GFOD1: variants seen among roughly 807,000 people sequenced by gnomAD.
The protein encoded by GFOD1 is glucose-fructose oxidoreductase domain-containing protein 1.
In GFOD1, 9 loss-of-function variants were observed where a neutral mutation model predicts 25.4. That is an observed-to-expected ratio of 0.35 (90% CI 0.21 to 0.62). GFOD1 has a LOEUF of 0.62. GFOD1 is among the 20% of genes least tolerant of loss of function. The probability of loss-of-function intolerance (pLI) is 0.72; values close to 1 mark genes in which losing one functional copy is unlikely to be tolerated. For missense variants in GFOD1, 403 were observed against 556.9 expected (o/e 0.72, Z 2.78); for synonymous variants, 253 against 245.6 (o/e 1.03, Z -0.28).
chr6:13,464,881 TGTGTGTGTGTGTGTG>T (rs1562227203), intron 1 of GFOD1, among the ~76,000 whole-genome samples: 11 of 149,524 alleles, frequency 7.4e-5, no homozygotes, highest in Non-Finnish European at 1.5e-4. Flanking sequence ...TGTGTGTGTG[TGTGTGTGTGTGTGTG>T]TGTGTGTGTG....
At chr6:13,405,557 C>A (rs1304979883) in intron 1 of GFOD1, among the ~76,000 whole-genome samples, 1 of 152,018 alleles carries the variant, frequency 6.6e-6, no homozygotes, top group Non-Finnish European at 1.5e-5. Flanking sequence ...TTGAGATGAC[C>A]AGTTATAAAT....
At chr6:13,485,694 A>T (rs1758848508) in intron 1 of GFOD1, among the ~76,000 whole-genome samples, 1 of 152,174 alleles carries the variant, frequency 6.6e-6, no homozygotes, top group African/African-American at 2.4e-5. Flanking sequence ...TGAGGGGAGC[A>T]GGGACCAGAT....
At position 13,486,804 on chromosome 6, in the gene GFOD1, C is replaced by A. The variant is rs1422091195; in HGVS notation, c.87G>T (p.Lys29Asn). ...CTTCCTGCGTGCGGCCCCACAGCGC[C>A]TTCACCGCGAAGCCCTCGTCTTTCA... is the stretch of plus-strand genomic sequence containing the variant. ...PLLKDEGFAV[K>N]ALWGRTQEEA... The change falls in exon 1 of 2, where the codon AAG becomes AAT. Residue 29 changes from lysine to asparagine, a missense_variant. Lys to Asn is a moderately conservative substitution (Grantham distance 94). Transcript: ENST00000379287. 4.0e-5 allele frequency: 65 copies of A among 1,614,124 alleles called. No individual in the cohort carries two copies. The highest frequency in any genetic ancestry group is 5.4e-5 in the Non-Finnish European group (64 of 1,180,024).
At chr6:13,483,405 A>T (rs1310715337) in intron 1 of GFOD1, among the ~76,000 whole-genome samples, 1 of 152,184 alleles carries the variant, frequency 6.6e-6, no homozygotes, top group East Asian at 1.9e-4. Context: ...GGCCACCAGG[A>T]CGTGAGGCTG....
chr6:13,474,521 C>T (rs1318579758), intron 1 of GFOD1, among the ~76,000 whole-genome samples: 2 of 152,176 alleles, frequency 1.3e-5, no homozygotes, highest in Non-Finnish European at 2.9e-5. Context: ...TACTCAACTG[C>T]CTCAAGCAAG....
intron 1 of GFOD1, among the ~76,000 whole-genome samples, chr6:13,467,193 T>C (rs1379864935): frequency 6.6e-6 from 1 of 152,034 alleles, no homozygotes; most frequent in Non-Finnish European, 1.5e-5. Flanking sequence ...ATAAAAATAT[T>C]TACCAAATTA....
At position 13,360,507 on chromosome 6, in the gene GFOD1, C is replaced by A; in HGVS notation, c.*4236G>T. On this transcript the variant is annotated 3_prime_UTR_variant, in exon 2 of 2. Coordinates refer to ENST00000379287, the MANE Select transcript of GFOD1 (RefSeq NM_018988.4). The stretch of plus-strand genomic sequence containing the variant: ...ACATTTTCCTACGTTATATTCAGAC[C>A]CCCAAGAGCAAATTCCAAGGCCATC... 2 of 354,128 alleles carry A rather than the reference C, an allele frequency of 5.6e-6. No individual in the cohort carries two copies. The highest frequency in any genetic ancestry group is 4.2e-5 in the South Asian group (2 of 47,650). 21.9% of individuals were successfully genotyped at this position (354,128 alleles called of 1,614,324 possible).
intron 1 of GFOD1, among the ~76,000 whole-genome samples, chr6:13,388,169 G>A (rs1418607826): frequency 6.6e-6 from 1 of 152,212 alleles, no homozygotes; most frequent in Admixed American, 6.5e-5. Context: ...AATCAATGTT[G>A]TGAAAATGGC....
rs1554198475 is a variant in GFOD1 at position 13,363,238 on chromosome 6, T to TGTGTGTGTGCGC, written c.*1504_*1505insGCGCACACACAC. Reference sequence around the variant, plus strand: ...GTGTGTGTGTGTGTGTGTGTGTGTGTGCACGTGCATGTGTGTGTGTGTCTG... The same window carrying TGTGTGTGTGCGC: ...GTGTGTGTGTGTGTGTGTGTGTGTGTGTGTGTGTGCGCGCACGTGCATGTGTGTGTGTGTCTG... On this transcript the variant is annotated 3_prime_UTR_variant, in exon 2 of 2. Coordinates refer to ENST00000379287, the MANE Select transcript of GFOD1 (RefSeq NM_018988.4). 2.0e-5 allele frequency: 3 copies of TGTGTGTGTGCGC among 151,566 alleles called. No homozygotes were observed. Among genetic ancestry groups the TGTGTGTGTGCGC allele is most frequent in the African/African-American group, 7.3e-5 (3 of 41,174 alleles). The allele number at this position is 151,566 out of a possible 1,614,324, so 9.4% of individuals were successfully genotyped here. A position where few individuals can be genotyped will look rare whatever the true frequency, so the allele number is the denominator to read the frequency against.
At position 13,487,488 on chromosome 6, in the gene GFOD1, G is replaced by C. The variant is rs1356459833; in HGVS notation, c.-598C>G. The C allele has an allele frequency of 6.6e-6, 1 of 151,970 alleles. No homozygotes were observed. The highest frequency in any genetic ancestry group is 1.9e-4 in the East Asian group (1 of 5,150). The allele number at this position is 151,970 out of a possible 1,614,324, so 9.4% of individuals were successfully genotyped here. ...CCGGAGCGCGCCGGACTGGGATCCC[G>C]AGCTGCAGCGCGGCAGCGGCGGCCA... On this transcript the variant is annotated 5_prime_UTR_variant, in exon 1 of 2. Transcript: ENST00000379287. This position sits in a 1 kb window ranked among gnomAD's most constrained non-coding sequence, Gnocchi z 4.9.
chr6:13,485,921 T>C (rs1758854412), intron 1 of GFOD1: 1 of 627,990 alleles, frequency 1.6e-6, no homozygotes, highest in Non-Finnish European at 2.0e-6. Flanking sequence ...ACCCCCTGGT[T>C]TTACCAAATC....
intron 1 of GFOD1, among the ~76,000 whole-genome samples, chr6:13,398,360 A>G (rs1481992937): frequency 5.3e-5 from 8 of 152,196 alleles, no homozygotes; most frequent in Admixed American, 5.2e-4. Context: ...GACCAGGTAG[A>G]ACCTCCGTTT....
At chr6:13,435,439 C>T (rs764462755) in intron 1 of GFOD1, among the ~76,000 whole-genome samples, 1 of 152,214 alleles carries the variant, frequency 6.6e-6, no homozygotes, top group Non-Finnish European at 1.5e-5. Context: ...TCTTTCATCT[C>T]TCTTATTATA....
At chr6:13,427,190 C>CTG (rs1757654970) in intron 1 of GFOD1, among the ~76,000 whole-genome samples, 1 of 152,066 alleles carries the variant, frequency 6.6e-6, no homozygotes, top group East Asian at 1.9e-4. Flanking sequence ...AGAGTCTTCC[C>CTG]AAAACTGAAG....
intron 1 of GFOD1, chr6:13,469,126 A>G: frequency 2.6e-6 from 1 of 390,774 alleles, no homozygotes; most frequent in Non-Finnish European, 3.5e-6. Context: ...TAGGAGAGGG[A>G]GTTGGCCTGT....
At chr6:13,466,992 C>T (rs576938397) in intron 1 of GFOD1, among the ~76,000 whole-genome samples, 11 of 152,132 alleles carry the variant, frequency 7.2e-5, no homozygotes, top group African/African-American at 2.7e-4. Flanking sequence ...AGCAGCCGTC[C>T]CACTAACCAA....
chr6:13,475,206 A>G (rs1758589968), intron 1 of GFOD1, among the ~76,000 whole-genome samples: 1 of 152,208 alleles, frequency 6.6e-6, no homozygotes, highest in African/African-American at 2.4e-5. Flanking sequence ...AACATCATTA[A>G]TTATTATTAA....
intron 1 of GFOD1, among the ~76,000 whole-genome samples, chr6:13,403,649 G>C (rs1275291667): frequency 6.6e-6 from 1 of 152,134 alleles, no homozygotes; most frequent in Non-Finnish European, 1.5e-5. Flanking sequence ...ATTGTTATTT[G>C]TTACAAGACT....
At chr6:13,440,148 C>T (rs1028120934) in intron 1 of GFOD1, among the ~76,000 whole-genome samples, 1 of 152,018 alleles carries the variant, frequency 6.6e-6, no homozygotes, top group South Asian at 2.1e-4. Context: ...AGTTCTTCCA[C>T]GGAGTGCCAG....
Sources: allele counts gnomAD v4.1 joint callset (sites outside exome capture counted in the v4.1 genomes callset), GRCh38; gene constraint gnomAD v4.1.1; non-coding constraint Gnocchi (gnomAD v3.1); transcripts MANE v1.5; gene names NCBI Gene and HGNC (gene_info 2026-07-23, HGNC 2026-07-21).